The following P3H2 variants were observed in gnomAD, a reference collection of about 807,000 sequenced individuals.
P3H2 encodes leprecan-like 1.
Under a neutral mutation model 87.0 loss-of-function variants are expected in P3H2, and 80 were observed. That is an observed-to-expected ratio of 0.92 (90% CI 0.77 to 1.11). P3H2 has a LOEUF of 1.11. P3H2 is among the 50% of genes least tolerant of loss of function. The pLI is 0.00. For synonymous variants in P3H2, 367 were observed against 359.3 expected, an observed-to-expected ratio of 1.02 and a Z score of -0.24; for missense variants, 1,001 against 923.9, an observed-to-expected ratio of 1.08 and a Z score of -1.08.
chr3:189,973,814 G>A, intron 10 of P3H2, 95 bp downstream of exon 10: 1 of 936,798 alleles, frequency 1.1e-6, no homozygotes, highest in South Asian at 1.3e-5. Flanking sequence ...GTGAGCCACT[G>A]TGCCTGGCCA....
chr3:190,120,829 C>T lies in P3H2; in HGVS notation c.-98G>A. 7 of 1,448,640 alleles carry T rather than the reference C, an allele frequency of 4.8e-6. No individual in the cohort carries two copies. The highest frequency in any genetic ancestry group is 5.4e-6 in the Non-Finnish European group (6 of 1,101,786). The allele number at this position is 1,448,640 out of a possible 1,614,324, so 89.7% of individuals were successfully genotyped here. On this transcript the variant is annotated 5_prime_UTR_variant, in exon 1 of 15. Transcript: ENST00000319332. ...TCCCACCTTCCCTCGGGGAAGCGCG[C>T]CGACTCCGCCGCGATCTGGCCGCTC...
chr3:190,040,522 G>A (rs192342166), intron 1 of P3H2, among the ~76,000 whole-genome samples: 36 of 152,204 alleles, frequency 2.4e-4, no homozygotes, highest in Admixed American at 5.2e-4. Flanking sequence ...CCAGATATAC[G>A]ACTAAAAATG....
At chr3:190,036,731 A>G (rs561454737) in intron 1 of P3H2, among the ~76,000 whole-genome samples, 1 of 152,098 alleles carries the variant, frequency 6.6e-6, no homozygotes, top group Non-Finnish European at 1.5e-5. Context: ...AGTTCCCCCA[A>G]GTTCCCTCTG....
chr3:190,054,678 G>C (rs1007452028), intron 1 of P3H2, among the ~76,000 whole-genome samples: 2 of 152,084 alleles, frequency 1.3e-5, no homozygotes, highest in African/African-American at 4.8e-5. Flanking sequence ...CTAAGATTCT[G>C]AATTTTTCAC....
chr3:189,984,682 A>G, intron 6 of P3H2, 92 bp from the exon 7 acceptor site: 1 of 867,706 alleles, frequency 1.2e-6, no homozygotes, highest in Non-Finnish European at 1.9e-6. Context: ...TGCACAAAAC[A>G]TTCAAAAGAT....
chr3:190,101,519 C>G (rs970094400), intron 1 of P3H2, among the ~76,000 whole-genome samples: 1 of 151,932 alleles, frequency 6.6e-6, no homozygotes, highest in African/African-American at 2.4e-5. Flanking sequence ...CCACAACATT[C>G]CTTAAGACCA....
chr3:190,022,767 C>T (rs937203423), intron 1 of P3H2, among the ~76,000 whole-genome samples: 1 of 152,106 alleles, frequency 6.6e-6, no homozygotes, highest in African/African-American at 2.4e-5. Flanking sequence ...TAGGTGACTG[C>T]TGGTCCCCTC....
At chr3:190,012,102 T>G (rs1332413357) in intron 1 of P3H2, among the ~76,000 whole-genome samples, 1 of 152,118 alleles carries the variant, frequency 6.6e-6, no homozygotes, top group Non-Finnish European at 1.5e-5. Context: ...ATGAAAGGGC[T>G]TCATCTTGAA....
At chr3:189,958,477 A>G (rs982197030) in intron 14 of P3H2, among the ~76,000 whole-genome samples, 2 of 146,630 alleles carry the variant, frequency 1.4e-5, no homozygotes, top group Admixed American at 1.4e-4. Flanking sequence ...TCAATGCACT[A>G]TTGTTGCCGG....
chr3:189,963,991 C>T lies in P3H2; in HGVS notation c.2001G>A (p.Leu667=). The T allele has an allele frequency of 6.2e-7, 1 of 1,614,202 alleles. No homozygotes were observed. The highest frequency in any genetic ancestry group is 8.5e-7 in the Non-Finnish European group (1 of 1,180,030). The part of the protein sequence containing the change: ...VTKGKRCAVA[L]WFTLDPLYRE... ...TATAAAGTGGGTCCAAGGTGAACCA[C>T]AGAGCCACAGCACACCTCTTTCCCT... The change falls in exon 14 of 15, where the codon CTG becomes CTA. Residue 667 remains leucine, a synonymous_variant. Coordinates refer to ENST00000319332, the MANE Select transcript of P3H2 (RefSeq NM_018192.4).
chr3:190,112,172 T>C (rs61268830), intron 1 of P3H2, among the ~76,000 whole-genome samples: 18,850 of 152,302 alleles, frequency 0.12, 1,281 homozygotes, highest in Middle Eastern at 0.21. Flanking sequence ...GGCAATGTCA[T>C]AGGACTTGGA....
At chr3:190,005,747 G>A (rs1458060795) in intron 1 of P3H2, among the ~76,000 whole-genome samples, 2 of 152,198 alleles carry the variant, frequency 1.3e-5, no homozygotes, top group African/African-American at 4.8e-5. Flanking sequence ...GCAAAGGAAT[G>A]CATCGTGGCT....
At chr3:190,077,397 T>C (rs1013273609) in intron 1 of P3H2, among the ~76,000 whole-genome samples, 4 of 152,210 alleles carry the variant, frequency 2.6e-5, no homozygotes, top group Non-Finnish European at 5.9e-5. Flanking sequence ...ATTGAACTTA[T>C]TTTCTTCCTT....
intron 1 of P3H2, among the ~76,000 whole-genome samples, chr3:190,000,072 C>T (rs905556522): frequency 2.0e-5 from 3 of 152,206 alleles, no homozygotes; most frequent in African/African-American, 7.2e-5. Flanking sequence ...CTAAAGCACA[C>T]ATTGACTATT....
intron 1 of P3H2, among the ~76,000 whole-genome samples, chr3:190,007,774 G>C (rs1307659345): frequency 6.7e-6 from 1 of 149,664 alleles, no homozygotes; most frequent in Non-Finnish European, 1.5e-5. Flanking sequence ...ACTGTAGTAA[G>C]AGTTAAACAC....
rs531659569 is a variant in P3H2, at chr3:190,026,876, G to A, written c.481-31434C>T. Among the ~76,000 whole-genome samples the A allele has an allele frequency of 3.3e-5, 5 of 151,980 alleles. No homozygotes were observed. The East Asian group carries it at 7.7e-4, about 23-fold the overall frequency. On this transcript the variant is annotated intron_variant, in intron 1 of 14. Coordinates refer to ENST00000319332, the MANE Select transcript of P3H2 (RefSeq NM_018192.4). ...AACCAGGTCTGGTTTCCCAATCTGC[G>A]AAGTGTGTAGTATTTATCAAAACTC...
chr3:189,991,564 CTCT>C (rs1347817174), intron 3 of P3H2, among the ~76,000 whole-genome samples: 2 of 152,204 alleles, frequency 1.3e-5, no homozygotes, highest in Non-Finnish European at 2.9e-5. Flanking sequence ...TTGCCACTCA[CTCT>C]TCTTAGGCAC....
At position 189,978,363 on chromosome 3, in the gene P3H2, G is replaced by A. The variant is rs77390324; in HGVS notation, c.1325-3678C>T. On this transcript the variant is annotated intron_variant, in intron 8 of 14. Transcript: ENST00000319332. ...ATAAGTATGTATTATCATTACTATC[G>A]TTATTGTTGAATTAATAAGCTACAC... Among the ~76,000 whole-genome samples, 476 of 152,188 alleles carry A rather than the reference G, an allele frequency of 3.1e-3. 12 individuals carry two copies. In the East Asian group the frequency reaches 0.068, roughly 22 times the overall value.
chr3:189,970,189 C>CG (rs1723129625), intron 13 of P3H2, among the ~76,000 whole-genome samples: 1 of 20,042 alleles, frequency 5.0e-5, no homozygotes, highest in African/African-American at 2.7e-4. Flanking sequence ...TATATATATG[C>CG]AAATATATAT....
Sources: allele counts gnomAD v4.1 joint callset (sites outside exome capture counted in the v4.1 genomes callset), GRCh38; gene constraint gnomAD v4.1.1; transcripts MANE v1.5; gene names NCBI Gene and HGNC (gene_info 2026-07-23, HGNC 2026-07-21).